Variants in RC3H1 observed in about 807,000 individuals in gnomAD.
The protein encoded by RC3H1 is ring finger and CCCH-type domains 1.
RC3H1 carries 50 observed loss-of-function variants against 138.2 expected under a neutral mutation model. That is an observed-to-expected ratio of 0.36 (90% CI 0.29 to 0.46). The LOEUF is 0.46. Ranked by LOEUF, RC3H1 falls within the 20% of genes least tolerant of loss-of-function variation. RC3H1 has a pLI of 1.00. For missense variants in RC3H1, 1,031 were observed against 1,388.1 expected, an observed-to-expected ratio of 0.74 and a Z score of 4.09; for synonymous variants, 462 against 489.1, an observed-to-expected ratio of 0.94 and a Z score of 0.73.
chr1:173,962,152 G>A (rs1571194524), intron 11 of RC3H1, 57 bp from the exon 12 acceptor site: 1 of 1,480,692 alleles, frequency 6.8e-7, no homozygotes, highest in South Asian at 1.4e-5. Context: ...AGTTTTCTAT[G>A]TAAGATTTTA....
chr1:173,963,124 A>G (rs918515618), intron 11 of RC3H1, among the ~76,000 whole-genome samples: 2 of 152,126 alleles, frequency 1.3e-5, no homozygotes, highest in African/African-American at 4.8e-5. Flanking sequence ...TTCATTCTCC[A>G]TACCTGGTAT....
At chr1:173,999,826 T>C (rs1661533735) in intron 1 of RC3H1, among the ~76,000 whole-genome samples, 1 of 152,238 alleles carries the variant, frequency 6.6e-6, no homozygotes, top group Non-Finnish European at 1.5e-5. Context: ...ATGTTCACAG[T>C]AACACTGTAA....
chr1:173,999,731 A>G (rs1013314634), intron 1 of RC3H1, among the ~76,000 whole-genome samples: 1 of 152,256 alleles, frequency 6.6e-6, no homozygotes, highest in African/African-American at 2.4e-5. Flanking sequence ...AATATCCACA[A>G]TGTGGACTAC....
intron 11 of RC3H1, among the ~76,000 whole-genome samples, chr1:173,963,358 T>C (rs903457700): frequency 6.6e-6 from 1 of 152,184 alleles, no homozygotes; most frequent in African/African-American, 2.4e-5. Flanking sequence ...ATGATCTCCC[T>C]TGAGTCTTTC....
At chr1:174,018,932 G>A (rs576916727) in intron 1 of RC3H1, among the ~76,000 whole-genome samples, 258 of 152,162 alleles carry the variant, frequency 1.7e-3, no homozygotes, top group Admixed American at 2.8e-3. Flanking sequence ...CTAAGATCTG[G>A]AGATGAAAAA....
intron 6 of RC3H1, among the ~76,000 whole-genome samples, chr1:173,979,863 C>A (rs1660732393): frequency 2.0e-5 from 3 of 152,036 alleles, no homozygotes; most frequent in Admixed American, 2.0e-4. Context: ...AGCAAACAAC[C>A]TACATTGTAA....
At chr1:173,943,636 C>A in intron 17 of RC3H1, 21 bp from the exon 18 acceptor site, 1 of 1,599,012 alleles carries the variant, frequency 6.3e-7, no homozygotes, top group Non-Finnish European at 8.5e-7. Context: ...AAGCCAAGCA[C>A]ACAGAAAACT....
At position 173,938,444 on chromosome 1, in the gene RC3H1, TTAAAA is replaced by T. The variant is rs1184817264; in HGVS notation, c.*272_*276del. On this transcript the variant is annotated 3_prime_UTR_variant, in exon 20 of 20. Coordinates refer to ENST00000367696, the MANE Select transcript of RC3H1 (RefSeq NM_172071.4). ...CCTGGATCCAAGGCGTCCAAAGTTA[TTAAAA>T]TAAAGTTCATTCACAGAACAAAAAC... 9 of 240,310 alleles carry T rather than the reference TTAAAA, an allele frequency of 3.7e-5. No individual in the cohort carries two copies. The highest frequency in any genetic ancestry group is 1.1e-4 in the Admixed American group (2 of 18,546). 14.9% of individuals were successfully genotyped at this position (240,310 alleles called of 1,614,324 possible).
Position 173,978,611 on chromosome 1 carries a change from G to T in RC3H1, c.979C>A (p.Pro327Thr), listed in dbSNP as rs775174270. 11 of 1,611,162 alleles carry T rather than the reference G, an allele frequency of 6.8e-6. No homozygotes were observed. The highest frequency in any genetic ancestry group is 9.3e-6 in the Non-Finnish European group (11 of 1,178,872). The change falls in exon 7 of 20, where the codon CCA becomes ACA. Residue 327 changes from proline to threonine, a missense_variant. Pro to Thr is a conservative substitution (Grantham distance 38). Transcript: ENST00000367696. ...MQSIIDKLQT[P>T]ASFAQSVQEL... ...TGAACACTCTGTGCAAAAGAGGCTG[G>T]AGTCTGCAACTTAAAAAAGATAAAT...
In RC3H1 at chr1:173,941,247, C is replaced by A; in HGVS notation, c.3251+18G>T. The A allele has an allele frequency of 6.8e-7, 1 of 1,468,530 alleles. No homozygotes were observed. 91.0% of individuals were successfully genotyped at this position (1,468,530 alleles called of 1,614,324 possible). On this transcript the variant is annotated intron_variant, in intron 19 of 19. Transcript: ENST00000367696. ...TGTGTGTAATTTAATATGGCTACGA[C>A]AATCTCCTTTTCTTTACCTGAATGT...
At chr1:173,969,587 G>A (rs950382818) in intron 9 of RC3H1, among the ~76,000 whole-genome samples, 2 of 151,900 alleles carry the variant, frequency 1.3e-5, no homozygotes, top group East Asian at 1.9e-4. Context: ...ATTAAGAGGC[G>A]GTGGGTGTGG....
Position 174,003,385 on chromosome 1 carries a change from T to TCACACACACACACACACACA in RC3H1, c.-150-10270_-150-10251dup, listed in dbSNP as rs3220994. ...CTGGGCAACAAGAGCAAGACTCCTA[T>TCACACACACACACACACACA]CACACACACACACACACACACACAC... On this transcript the variant is annotated intron_variant, in intron 1 of 19. Transcript: ENST00000367696. Among the ~76,000 whole-genome samples the TCACACACACACACACACACA allele has an allele frequency of 2.4e-4, 34 of 143,322 alleles. No homozygotes were observed. The South Asian group carries it at 3.7e-3, about 16-fold the overall frequency. 94.0% of individuals were successfully genotyped at this position (143,322 alleles called of 152,430 possible). A position where few individuals can be genotyped will look rare whatever the true frequency, so the allele number is the denominator to read the frequency against.
Position 174,007,146 on chromosome 1 carries a change from T to C in RC3H1, c.-150-14011A>G, listed in dbSNP as rs553430907. On this transcript the variant is annotated intron_variant, in intron 1 of 19. Transcript: ENST00000367696. ...GGCTCACGCCTGTAATCCCAGCACT[T>C]TGGGAGGCCAAGGCAGGCAGATCAC... 2.0e-5 allele frequency among the ~76,000 whole-genome samples: 3 copies of C among 152,186 alleles called. No individual in the cohort carries two copies. The East Asian group carries it at 5.8e-4, about 29-fold the overall frequency.
intron 13 of RC3H1, among the ~76,000 whole-genome samples, chr1:173,957,092 AG>A (rs1419426452): frequency 6.6e-6 from 1 of 151,950 alleles, no homozygotes; most frequent in Admixed American, 6.6e-5. Flanking sequence ...TTTTGTATTC[AG>A]GTTGTTTATA....
chr1:174,022,119 C>G lies in RC3H1; in HGVS notation c.-174G>C. ...ACCGCGCTGGTCCGAGCAGCAGCTC[C>G]TCTCAGCTCCGAGTCCCCGCGGCCG... On this transcript the variant is annotated 5_prime_UTR_variant, in exon 1 of 20. Transcript: ENST00000367696. The surrounding 1 kb of genome is among the most constrained non-coding windows in gnomAD (Gnocchi z 4.2). 1 of 397,566 alleles carries G rather than the reference C, an allele frequency of 2.5e-6. No individual in the cohort carries two copies. Among genetic ancestry groups the G allele is most frequent in the Non-Finnish European group, 4.4e-6 (1 of 225,944 alleles). The allele number at this position is 397,566 out of a possible 1,614,324, so 24.6% of individuals were successfully genotyped here.
At chr1:173,981,039 AG>A in intron 5 of RC3H1, 30 bp from the exon 6 acceptor site, 1 of 1,586,958 alleles carries the variant, frequency 6.3e-7, no homozygotes, top group Non-Finnish European at 8.6e-7. Context: ...CTCATAATGA[AG>A]TCAAAAAAAT....
chr1:173,949,600 C>T (rs1208909640), intron 14 of RC3H1, among the ~76,000 whole-genome samples: 2 of 152,060 alleles, frequency 1.3e-5, no homozygotes, highest in East Asian at 1.9e-4. Context: ...AACTCCTGAC[C>T]TCAAGTGATC....
intron 2 of RC3H1, among the ~76,000 whole-genome samples, chr1:173,991,268 C>G (rs1205337284): frequency 6.6e-6 from 1 of 152,144 alleles, no homozygotes; most frequent in Non-Finnish European, 1.5e-5. Context: ...CATTTTTACA[C>G]CTTAGAAAGA....
chr1:173,978,377 T>C, intron 7 of RC3H1, 111 bp downstream of exon 7: 2 of 1,099,466 alleles, frequency 1.8e-6, no homozygotes, highest in African/African-American at 1.6e-5. Context: ...AAAAAAGATC[T>C]GGAGTAACTA....
Sources: allele counts gnomAD v4.1 joint callset (sites outside exome capture counted in the v4.1 genomes callset), GRCh38; gene constraint gnomAD v4.1.1; non-coding constraint Gnocchi (gnomAD v3.1); transcripts MANE v1.5; gene names NCBI Gene and HGNC (gene_info 2026-07-23, HGNC 2026-07-21).